SCD5: variants seen among roughly 807,000 people sequenced by gnomAD.
SCD5 encodes acyl-CoA-desaturase 4.
In SCD5, 20 loss-of-function variants were observed where a neutral mutation model predicts 30.4. That is an observed-to-expected ratio of 0.66 (90% CI 0.46 to 0.96). SCD5 has a LOEUF of 0.96. Ranked by LOEUF, SCD5 falls within the 40% of genes least tolerant of loss-of-function variation. The probability of loss-of-function intolerance (pLI) is 0.00; values close to 1 mark genes in which losing one functional copy is unlikely to be tolerated. For synonymous variants in SCD5, 173 were observed against 176.4 expected, an observed-to-expected ratio of 0.98 and a Z score of 0.16; for missense variants, 381 against 443.3, an observed-to-expected ratio of 0.86 and a Z score of 1.26.
intron 3 of SCD5, among the ~76,000 whole-genome samples, chr4:82,639,920 G>A (rs1727506451): frequency 6.6e-6 from 1 of 152,176 alleles, no homozygotes; most frequent in African/African-American, 2.4e-5. Context: ...TGAAAGAAGA[G>A]GGAGAGAAAC....
rs1386798319 is a variant in SCD5, at chr4:82,705,309, C to A, written c.337G>T (p.Ala113Ser). The change falls in exon 2 of 5, where the codon GCT (alanine) becomes TCT (serine). Residue 113 changes from alanine (A) to serine (S), a missense_variant. Physicochemically the swap from Ala to Ser is moderately conservative, Grantham distance 99 (BLOSUM62 1). Transcript: ENST00000319540. ...RAKLPLRIFL[A>S]VANSMAFQND... ...TGGAAAGCCATGGAGTTGGCGACAG[C>A]CAGAAATATCCTCAGAGGCAGCTTG... The A allele has an allele frequency of 8.1e-6, 13 of 1,614,234 alleles. No homozygotes were observed. The highest frequency in any genetic ancestry group is 9.3e-6 in the Non-Finnish European group (11 of 1,180,042).
intron 1 of SCD5, among the ~76,000 whole-genome samples, chr4:82,762,432 G>A (rs1400156774): frequency 3.3e-5 from 5 of 152,006 alleles, no homozygotes; most frequent in East Asian, 1.9e-4. Flanking sequence ...TAGTAAAGAC[G>A]AGGTTTCACC....
chr4:82,661,950 G>C (rs558477690), intron 3 of SCD5, among the ~76,000 whole-genome samples: 1 of 152,288 alleles, frequency 6.6e-6, no homozygotes, highest in East Asian at 1.9e-4. Context: ...CAGGGACGTG[G>C]GGACGTTTCC....
At chr4:82,672,478 A>C (rs1040027120) in intron 3 of SCD5, among the ~76,000 whole-genome samples, 1 of 152,154 alleles carries the variant, frequency 6.6e-6, no homozygotes, top group Non-Finnish European at 1.5e-5. Context: ...GAAAGGCACA[A>C]TCTACCAAAA....
At chr4:82,766,543 T>C (rs1721490099) in intron 1 of SCD5, among the ~76,000 whole-genome samples, 1 of 152,262 alleles carries the variant, frequency 6.6e-6, no homozygotes, top group South Asian at 2.1e-4. Context: ...TCTTGTCCAC[T>C]AATTCTTTCA....
intron 1 of SCD5, among the ~76,000 whole-genome samples, chr4:82,767,782 A>G (rs1219878160): frequency 6.6e-6 from 1 of 152,202 alleles, no homozygotes; most frequent in Non-Finnish European, 1.5e-5. Context: ...CTTAAAAACT[A>G]AAGATACATG....
Position 82,642,543 on chromosome 4 carries a change from C to CAA in SCD5, c.570-5721_570-5720insTT, listed in dbSNP as rs1471522275. On this transcript the variant is annotated intron_variant, in intron 3 of 4. Transcript: ENST00000319540. ...TCTTCCCCAGCCCTGGCTGACTTGC[C>CAA]TCTTCCAAGCATCAGTCTGAACATC... Among the ~76,000 whole-genome samples, 11 of 152,308 alleles carry CAA rather than the reference C, an allele frequency of 7.2e-5. No homozygotes were observed. The South Asian group carries it at 1.9e-3, about 26-fold the overall frequency.
intron 3 of SCD5, among the ~76,000 whole-genome samples, chr4:82,658,006 G>A (rs1177665662): frequency 3.9e-5 from 6 of 152,270 alleles, no homozygotes; most frequent in African/African-American, 9.6e-5. Flanking sequence ...CTAAGATGAT[G>A]GGGTTTTCTA....
At chr4:82,769,620 T>C (rs547786073) in intron 1 of SCD5, among the ~76,000 whole-genome samples, 2 of 152,300 alleles carry the variant, frequency 1.3e-5, no homozygotes, top group East Asian at 3.9e-4. Context: ...TGAGAGTCAC[T>C]TGAAAATACT....
intron 3 of SCD5, among the ~76,000 whole-genome samples, chr4:82,669,192 G>A (rs1030897845): frequency 1.4e-4 from 21 of 151,964 alleles, no homozygotes; most frequent in East Asian, 3.9e-4. Context: ...GTGGGGTAGA[G>A]AAGCAAAGAT....
intron 3 of SCD5, chr4:82,660,310 G>A (rs1727966052): frequency 1.8e-5 from 5 of 278,182 alleles, no homozygotes; most frequent in Non-Finnish European, 2.7e-5. Flanking sequence ...CTCAGCTCTG[G>A]ACCAAGCGGA....
intron 3 of SCD5, chr4:82,660,596 T>G: frequency 7.9e-7 from 1 of 1,267,324 alleles, no homozygotes; most frequent in East Asian, 3.6e-5. Context: ...CCAATAATTT[T>G]GTAAGGTAGG....
intron 1 of SCD5, among the ~76,000 whole-genome samples, chr4:82,793,450 G>A (rs529831644): frequency 6.2e-4 from 94 of 152,324 alleles, no homozygotes; most frequent in African/African-American, 1.2e-3. Flanking sequence ...GCACAGAAGG[G>A]ATTTGTGTTC....
intron 1 of SCD5, among the ~76,000 whole-genome samples, chr4:82,712,281 T>TACATATATATATATATACAC (rs1173317486): frequency 2.0e-5 from 1 of 50,312 alleles, no homozygotes; most frequent in African/African-American, 1.1e-4. Flanking sequence ...TATATATATA[T>TACATATATATATATATACAC]ATATATATAT....
chr4:82,766,277 T>C (rs1354965233), intron 1 of SCD5, among the ~76,000 whole-genome samples: 1 of 152,238 alleles, frequency 6.6e-6, no homozygotes, highest in Admixed American at 6.5e-5. Context: ...TCTTTCCTTC[T>C]TTTTCCAGTG....
rs750011548 is a variant in SCD5, at chr4:82,636,685, C to T, written c.708G>A (p.Trp236Ter). The T allele has an allele frequency of 1.2e-5, 19 of 1,614,054 alleles. No individual in the cohort carries two copies. The highest frequency in any genetic ancestry group is 1.7e-6 in the Non-Finnish European group (2 of 1,180,052). Residue 236 changes from tryptophan (W) to a stop codon, truncating the protein, a stop_gained, in exon 4 of 5, where the codon TGG becomes TGA. Coordinates refer to ENST00000319540, the MANE Select transcript of SCD5 (RefSeq NM_001037582.3). LOFTEE classifies it high-confidence loss of function. ...ACATGTGGGCGGCGCTGTTGACCAG[C>T]CAGCTGATGTTGAGTGAGATGGTAT... ...LRYTISLNISWLVNSAAHMYG... is the reference protein window; with the variant it reads ...LRYTISLNIS
chr4:82,666,948 T>C (rs955228346), intron 3 of SCD5, among the ~76,000 whole-genome samples: 1 of 152,102 alleles, frequency 6.6e-6, no homozygotes, highest in African/African-American at 2.4e-5. Flanking sequence ...AGTTAATAAA[T>C]AGCAACTATA....
intron 1 of SCD5, among the ~76,000 whole-genome samples, chr4:82,741,336 G>C (rs1238176268): frequency 6.6e-6 from 1 of 152,196 alleles, no homozygotes; most frequent in Non-Finnish European, 1.5e-5. Context: ...CCTGGGCCTT[G>C]AGAGGCCTTG....
intron 1 of SCD5, among the ~76,000 whole-genome samples, chr4:82,788,412 T>C (rs965214941): frequency 6.6e-6 from 1 of 151,724 alleles, no homozygotes; most frequent in African/African-American, 2.4e-5. Context: ...ATCTTTTTTA[T>C]GACAGTCTCG....
Sources: gnomAD v4.1 joint callset for allele counts (sites outside exome capture counted in the v4.1 genomes callset) on GRCh38, gnomAD v4.1.1 for gene constraint, MANE v1.5 for transcripts, NCBI Gene and HGNC (gene_info 2026-07-23, HGNC 2026-07-21) for gene names.